CDH18: variants seen among roughly 807,000 people sequenced by gnomAD.
CDH18 encodes cadherin-18.
In CDH18, 31 loss-of-function variants were observed where a neutral mutation model predicts 67.9. The observed-to-expected ratio is 0.46, with a 90% CI of 0.34 to 0.62. CDH18 has a LOEUF of 0.62. CDH18 is among the 20% of genes least tolerant of loss of function. The probability of loss-of-function intolerance (pLI) is 0.01; values close to 1 mark genes in which losing one functional copy is unlikely to be tolerated. For synonymous variants in CDH18, 362 were observed against 347.2 expected, an observed-to-expected ratio of 1.04 and a Z score of -0.48; for missense variants, 890 against 975.5, an observed-to-expected ratio of 0.91 and a Z score of 1.17.
At chr5:20,114,171 G>A (rs1238394507) in intron 2 of CDH18, among the ~76,000 whole-genome samples, 1 of 152,224 alleles carries the variant, frequency 6.6e-6, no homozygotes, top group Non-Finnish European at 1.5e-5. Flanking sequence ...AAGGAGAGTT[G>A]AAGTTACATT....
chr5:20,469,407 T>C lies in CDH18; in HGVS notation c.-580+106055A>G, dbSNP rs112640475. ...ATTAAAGTGAAAAATAGGAAACTTTTATCTTCGCTTCTGCCTTTCCTCATT... is the reference window on the plus strand; with the variant it reads ...ATTAAAGTGAAAAATAGGAAACTTTCATCTTCGCTTCTGCCTTTCCTCATT... On this transcript the variant is annotated intron_variant, in intron 1 of 14. Coordinates refer to the CDH18 transcript ENST00000507958. Among the ~76,000 whole-genome samples the C allele has an allele frequency of 6.3e-3, 959 of 152,314 alleles. 6 individuals carry two copies. The highest frequency in any genetic ancestry group is 0.014 in the Middle Eastern group (4 of 294).
chr5:19,779,917 T>G (rs1774901918), intron 3 of CDH18, among the ~76,000 whole-genome samples: 1 of 152,152 alleles, frequency 6.6e-6, no homozygotes, highest in African/African-American at 2.4e-5. Context: ...GTTTAGTCCA[T>G]TTTATATGAA....
intron 3 of CDH18, among the ~76,000 whole-genome samples, chr5:19,760,002 TA>T (rs1336889034): frequency 6.6e-6 from 1 of 152,156 alleles, no homozygotes; most frequent in Non-Finnish European, 1.5e-5. Flanking sequence ...GTAGGCTTCC[TA>T]TCAATTTCAC....
At position 19,516,388 on chromosome 5, in the gene CDH18, C is replaced by A. The variant is rs921455451; in HGVS notation, c.1512+4269G>T. 2.6e-5 allele frequency among the ~76,000 whole-genome samples: 4 copies of A among 152,190 alleles called. 1 individual carries two copies. Among genetic ancestry groups the A allele is most frequent in the Non-Finnish European group, 4.4e-5 (3 of 68,008 alleles). On this transcript the variant is annotated intron_variant, in intron 10 of 12. Coordinates refer to ENST00000382275, the MANE Select transcript of CDH18 (RefSeq NM_004934.5). ...TAAAATGAGTTTGGGAGGATTCCCT[C>A]TTTTTCTATTGATTGGAATAGTTTC... is the stretch of plus-strand genomic sequence containing the variant.
chr5:19,936,232 C>T (rs2892427), intron 2 of CDH18, among the ~76,000 whole-genome samples: 2,460 of 151,206 alleles, frequency 0.016, 57 homozygotes, highest in East Asian at 0.088. Context: ...ATTTCCCCTT[C>T]GGTATAAAAA....
At chr5:19,857,365 C>A (rs568057245) in intron 2 of CDH18, among the ~76,000 whole-genome samples, 3 of 152,082 alleles carry the variant, frequency 2.0e-5, no homozygotes, top group Non-Finnish European at 4.4e-5. Flanking sequence ...TTACAAGAGA[C>A]GTGACCATAG....
At chr5:20,102,047 G>A (rs919197467) in intron 2 of CDH18, among the ~76,000 whole-genome samples, 1 of 152,104 alleles carries the variant, frequency 6.6e-6, no homozygotes, top group African/African-American at 2.4e-5. Context: ...CTCCAGCCTG[G>A]GGGACAGAGT....
intron 2 of CDH18, among the ~76,000 whole-genome samples, chr5:20,236,212 C>T (rs1450881853): frequency 6.6e-6 from 1 of 150,786 alleles, no homozygotes; most frequent in Non-Finnish European, 1.5e-5. Flanking sequence ...ACATGTATAC[C>T]CTGATTTTAA....
chr5:20,311,276 C>T (rs2149989454), intron 1 of CDH18, among the ~76,000 whole-genome samples: 1 of 151,652 alleles, frequency 6.6e-6, no homozygotes, highest in Middle Eastern at 3.4e-3. Flanking sequence ...TAGCATTTGA[C>T]CCAGCAATCC....
chr5:20,569,377 C>T (rs1758682559), intron 1 of CDH18, among the ~76,000 whole-genome samples: 1 of 152,158 alleles, frequency 6.6e-6, no homozygotes, highest in African/African-American at 2.4e-5. Context: ...AATCCCAGCA[C>T]TTTGGAAGGC....
At chr5:20,192,657 T>C (rs912373078) in intron 2 of CDH18, among the ~76,000 whole-genome samples, 3 of 152,132 alleles carry the variant, frequency 2.0e-5, no homozygotes, top group Non-Finnish European at 4.4e-5. Flanking sequence ...TATTAGATGG[T>C]TGTAGACGTG....
At chr5:19,875,203 T>C (rs895591826) in intron 2 of CDH18, among the ~76,000 whole-genome samples, 2 of 152,164 alleles carry the variant, frequency 1.3e-5, no homozygotes, top group African/African-American at 4.8e-5. Context: ...ACAAAAGTGT[T>C]AAAGTAATTA....
At position 19,544,009 on chromosome 5, in the gene CDH18, G is replaced by C. The variant is rs1561308792; in HGVS notation, c.1254-4C>G. 3 of 1,507,930 alleles carry C rather than the reference G, an allele frequency of 2.0e-6. No individual in the cohort carries two copies. Among genetic ancestry groups the C allele is most frequent in the Admixed American group, 1.9e-5 (1 of 52,028 alleles). 93.4% of individuals were successfully genotyped at this position (1,507,930 alleles called of 1,614,324 possible). A position where few individuals can be genotyped will look rare whatever the true frequency, so the allele number is the denominator to read the frequency against. ...AACATTGTAGTTGATGAAGTATCTA[G>C]AGAAAAAAAGAGAAGTTTTTACTTG... On this transcript the variant is annotated splice_region_variant and splice_polypyrimidine_tract_variant and intron_variant, in intron 8 of 12. Coordinates refer to ENST00000382275, the MANE Select transcript of CDH18 (RefSeq NM_004934.5).
At chr5:19,554,433 C>T (rs1005820122) in intron 8 of CDH18, among the ~76,000 whole-genome samples, 1 of 151,968 alleles carries the variant, frequency 6.6e-6, no homozygotes, top group Non-Finnish European at 1.5e-5. Context: ...GCCTGTAGTC[C>T]CAGATACTTG....
chr5:20,051,941 T>C (rs1741456746), intron 2 of CDH18, among the ~76,000 whole-genome samples: 1 of 151,986 alleles, frequency 6.6e-6, no homozygotes, highest in Non-Finnish European at 1.5e-5. Context: ...ATATTAGCAT[T>C]TGGGCCCCCT....
rs529197030 is a variant in CDH18, at chr5:20,445,691, G to A, written c.-580+129771C>T. Among the ~76,000 whole-genome samples the A allele has an allele frequency of 2.6e-5, 4 of 152,266 alleles. No homozygotes were observed. In the East Asian group the frequency reaches 7.7e-4, roughly 29 times the overall value. On this transcript the variant is annotated intron_variant, in intron 1 of 14. Transcript: ENST00000507958. ...GATTCTCAATAAACTGGCTTAGCAG[G>A]ATTCTTTGATAGAAGCAGACTCAAC...
chr5:20,409,560 T>C (rs1465072464), intron 1 of CDH18, among the ~76,000 whole-genome samples: 3 of 151,510 alleles, frequency 2.0e-5, no homozygotes, highest in Non-Finnish European at 4.4e-5. Flanking sequence ...ACCTACTTAA[T>C]AAAATAAAGA....
At chr5:20,145,503 G>T (rs1290392571) in intron 2 of CDH18, among the ~76,000 whole-genome samples, 1 of 152,144 alleles carries the variant, frequency 6.6e-6, no homozygotes, top group African/African-American at 2.4e-5. Context: ...CATGTCAAGA[G>T]CACTGAAGTT....
At chr5:20,238,091 T>C (rs547607052) in intron 2 of CDH18, among the ~76,000 whole-genome samples, 1 of 151,880 alleles carries the variant, frequency 6.6e-6, no homozygotes, top group East Asian at 1.9e-4. Flanking sequence ...AGGAAAAAAA[T>C]CGATCTATAT....
Sources: allele counts gnomAD v4.1 joint callset (sites outside exome capture counted in the v4.1 genomes callset), GRCh38; gene constraint gnomAD v4.1.1; transcripts MANE v1.5; gene names NCBI Gene and HGNC (gene_info 2026-07-23, HGNC 2026-07-21).